Variants in USP40 observed in about 807,000 individuals in gnomAD.
The protein encoded by USP40 is ubiquitin specific peptidase 40, also known as ubiquitin carboxyl-terminal hydrolase 40.
A neutral mutation model predicts 166.2 loss-of-function variants in USP40; 143 were observed. The ratio of observed to expected loss-of-function variants is 0.86; its 90% CI spans 0.75 to 0.99. The LOEUF is 0.99. Ranked by LOEUF, USP40 falls within the 50% of genes least tolerant of loss-of-function variation. The pLI is 0.00. For missense variants in USP40, 1,444 were observed against 1,479.7 expected, an observed-to-expected ratio of 0.98 and a Z score of 0.40; for synonymous variants, 498 against 524.0, an observed-to-expected ratio of 0.95 and a Z score of 0.68.
intron 2 of USP40, among the ~76,000 whole-genome samples, chr2:233,565,115 A>G (rs185638267): frequency 1.1e-3 from 161 of 152,352 alleles, no homozygotes; most frequent in African/African-American, 3.8e-3. Context: ...GGAATTAAAA[A>G]AGAAATATAT....
intron 26 of USP40, among the ~76,000 whole-genome samples, chr2:233,490,132 A>T (rs2065226292): frequency 6.6e-6 from 1 of 151,654 alleles, no homozygotes; most frequent in African/African-American, 2.4e-5. Flanking sequence ...TTCTCATGAG[A>T]ATAAGGCTGT....
At chr2:233,562,877 C>T in intron 2 of USP40, 74 bp from the exon 3 acceptor site, 1 of 1,171,772 alleles carries the variant, frequency 8.5e-7, no homozygotes, top group East Asian at 2.8e-5. Flanking sequence ...AAAGCCAAGA[C>T]CACCTTTAAG....
chr2:233,558,993 G>C (rs1484732883), intron 4 of USP40, among the ~76,000 whole-genome samples: 2 of 152,166 alleles, frequency 1.3e-5, no homozygotes, highest in Non-Finnish European at 2.9e-5. Context: ...TACCATTAAA[G>C]GCAATATAAC....
chr2:233,501,893 T>C (rs1186929826), intron 21 of USP40, among the ~76,000 whole-genome samples: 1 of 152,178 alleles, frequency 6.6e-6, no homozygotes, highest in African/African-American at 2.4e-5. Context: ...GGCAGCAGAA[T>C]GCTCAAAGAT....
chr2:233,501,889 A>G (rs1421708131), intron 21 of USP40, among the ~76,000 whole-genome samples: 2 of 152,240 alleles, frequency 1.3e-5, no homozygotes, highest in Non-Finnish European at 2.9e-5. Context: ...ACTGGGCAGC[A>G]GAATGCTCAA....
At chr2:233,534,147 A>G (rs1012288034) in intron 10 of USP40, among the ~76,000 whole-genome samples, 3 of 152,246 alleles carry the variant, frequency 2.0e-5, no homozygotes, top group African/African-American at 7.2e-5. Flanking sequence ...GCAATCACAC[A>G]GTGTACCACC....
rs746340562 is a variant in USP40, at chr2:233,521,040, T to C, written c.2276A>G (p.Gln759Arg). The C allele has an allele frequency of 6.2e-7, 1 of 1,613,612 alleles. No homozygotes were observed. The highest frequency in any genetic ancestry group is 8.5e-7 in the Non-Finnish European group (1 of 1,179,686). ...AACTTGCTTCTCTTCAGATTCTAAC[T>C]GGCATAAATTTTTAACGTGGAGCCA... ...IDWLHVKNLC[Q>R]LESEEKQVKI... The change falls in exon 17 of 32, where the codon CAG (glutamine) becomes CGG (arginine). Residue 759 changes from glutamine (Q) to arginine (R), a missense_variant. Transcript: ENST00000678225.
At chr2:233,528,459 A>G (rs1394949054) in intron 12 of USP40, among the ~76,000 whole-genome samples, 1 of 152,096 alleles carries the variant, frequency 6.6e-6, no homozygotes, top group East Asian at 1.9e-4. Flanking sequence ...TTATCACGCA[A>G]CTCACGTACT....
intron 24 of USP40, among the ~76,000 whole-genome samples, chr2:233,495,776 T>C (rs542046169): frequency 1.3e-5 from 2 of 152,324 alleles, no homozygotes; most frequent in South Asian, 4.1e-4. Context: ...CAGCTTTTCA[T>C]AACACCTGGA....
At chr2:233,549,953 T>C (rs547252293) in intron 7 of USP40, among the ~76,000 whole-genome samples, 4 of 152,140 alleles carry the variant, frequency 2.6e-5, no homozygotes, top group Non-Finnish European at 5.9e-5. Context: ...AAAAAGCTAA[T>C]TTAGATTAAG....
chr2:233,527,286 G>T, intron 13 of USP40, 121 bp downstream of exon 13: 1 of 1,127,900 alleles, frequency 8.9e-7, no homozygotes, highest in Non-Finnish European at 1.2e-6. Flanking sequence ...TGAAGTGGCA[G>T]ATGTCAGATC....
intron 18 of USP40, among the ~76,000 whole-genome samples, chr2:233,517,781 GGTGTGTGTGTGTGT>G (rs111938537): frequency 1.8e-4 from 26 of 142,250 alleles, no homozygotes; most frequent in Admixed American, 4.2e-4. Flanking sequence ...AAGAAACTGT[GGTGTGTGTGTGTGT>G]GTGTGTGTGT....
intron 30 of USP40, among the ~76,000 whole-genome samples, chr2:233,482,052 C>T (rs1056279570): frequency 6.6e-6 from 1 of 152,206 alleles, no homozygotes; most frequent in Non-Finnish European, 1.5e-5. Flanking sequence ...CAGTTAAACT[C>T]TTCAATGACT....
intron 8 of USP40, chr2:233,547,098 T>A (rs1283885527): frequency 6.6e-6 from 1 of 152,184 alleles, no homozygotes; most frequent in Non-Finnish European, 1.5e-5. Flanking sequence ...GGCAAAGGAT[T>A]TGGACAGGTA....
Position 233,488,331 on chromosome 2 carries a change from T to C in USP40, c.3132-27A>G, listed in dbSNP as rs118181711. ...TGATAATAAGTGAAACAAGATAATA[T>C]TGAGTGACATAACATTTAATTTTCT... On this transcript the variant is annotated intron_variant, in intron 27 of 31. Coordinates refer to ENST00000678225, the MANE Select transcript of USP40 (RefSeq NM_001365479.2). 1,171 of 1,536,040 alleles carry C rather than the reference T, an allele frequency of 7.6e-4. 12 individuals carry two copies. In the East Asian group the frequency reaches 0.016, roughly 21 times the overall value.
chr2:233,542,037 CTGTT>C (rs916321940), intron 9 of USP40, among the ~76,000 whole-genome samples: 4 of 152,088 alleles, frequency 2.6e-5, no homozygotes, highest in African/African-American at 9.7e-5. Context: ...TATATATTTT[CTGTT>C]TTTTTCTTGA....
At chr2:233,497,601 A>G (rs2065822718) in intron 23 of USP40, among the ~76,000 whole-genome samples, 1 of 152,226 alleles carries the variant, frequency 6.6e-6, no homozygotes, top group Non-Finnish European at 1.5e-5. Flanking sequence ...GGCTGGAACG[A>G]GAAGCCAGTT....
At chr2:233,517,510 C>T (rs1019117035) in intron 18 of USP40, among the ~76,000 whole-genome samples, 1 of 151,962 alleles carries the variant, frequency 6.6e-6, no homozygotes, top group Non-Finnish European at 1.5e-5. Context: ...TCAGCCTCCC[C>T]AGTAGCTGGA....
rs1256218494 is a variant in USP40 at position 233,476,865 on chromosome 2, A to C, written c.*527T>G. On this transcript the variant is annotated 3_prime_UTR_variant, in exon 32 of 32. Coordinates refer to ENST00000678225, the MANE Select transcript of USP40 (RefSeq NM_001365479.2). ...GCAGACGTGGAGCATGCGGGGCCGG[A>C]ACGAGTGGGGGAAATGAAGTCCTGA... 5.2e-6 allele frequency: 1 copy of C among 193,030 alleles called. No homozygotes were observed. The highest frequency in any genetic ancestry group is 1.5e-4 in the East Asian group (1 of 6,800). The allele number at this position is 193,030 out of a possible 1,614,324, so 12.0% of individuals were successfully genotyped here.
Sources: allele counts gnomAD v4.1 joint callset (sites outside exome capture counted in the v4.1 genomes callset), GRCh38; gene constraint gnomAD v4.1.1; transcripts MANE v1.5; gene names NCBI Gene and HGNC (gene_info 2026-07-23, HGNC 2026-07-21).